The following FBN2 variants were observed in gnomAD, a reference collection of about 807,000 sequenced individuals.
The protein encoded by FBN2 is fibrillin-2.
In FBN2, 105 loss-of-function variants were observed where a neutral mutation model predicts 355.6. The observed-to-expected ratio is 0.30, with a 90% CI of 0.25 to 0.35. The LOEUF is 0.35. Ranked by LOEUF, FBN2 falls within the 10% of genes least tolerant of loss-of-function variation. The pLI is 1.00. For synonymous variants in FBN2, 1,350 were observed against 1,301.2 expected, an observed-to-expected ratio of 1.04 and a Z score of -0.81; for missense variants, 3,280 against 3,758.7, an observed-to-expected ratio of 0.87 and a Z score of 3.33.
At position 128,278,689 on chromosome 5, in the gene FBN2, C is replaced by A. The variant is rs1397064801; in HGVS notation, c.7291G>T (p.Ala2431Ser). Reference sequence around the variant, plus strand: ...TGAGGACATATCTTTTTGTACTGGGCAGTTCCAGGAAGTGGGCAAAGCTCG... The same window carrying A: ...TGAGGACATATCTTTTTGTACTGGGAAGTTCCAGGAAGTGGGCAAAGCTCG... ...QCELCPLPGT[A>S]QYKKICPHGP... Residue 2431 changes from alanine to serine, a missense_variant, in exon 57 of 65, where the codon GCC becomes TCC. Ala to Ser is a moderately conservative substitution (Grantham distance 99). Coordinates refer to ENST00000262464, the MANE Select transcript of FBN2 (RefSeq NM_001999.4). 2.5e-6 allele frequency: 4 copies of A among 1,614,136 alleles called. No individual in the cohort carries two copies. The highest frequency in any genetic ancestry group is 3.4e-6 in the Non-Finnish European group (4 of 1,180,006).
At position 128,345,224 on chromosome 5, in the gene FBN2, T is replaced by C. The variant is rs1751142472; in HGVS notation, c.3217+133A>G. On this transcript the variant is annotated intron_variant, in intron 24 of 64. Transcript: ENST00000262464. ...GATTTATACTCTTGGGACAGAACAT[T>C]GGTCACAAAACCTAAGTTTAACTGA... 1.4e-5 allele frequency: 11 copies of C among 772,672 alleles called. No individual in the cohort carries two copies. In the South Asian group the frequency reaches 1.6e-4, roughly 11 times the overall value. The allele number at this position is 772,672 out of a possible 1,614,324, so 47.9% of individuals were successfully genotyped here. A position where few individuals can be genotyped will look rare whatever the true frequency, so the allele number is the denominator to read the frequency against.
At position 128,320,622 on chromosome 5, in the gene FBN2, GATAA is replaced by G. The variant is rs1006337111; in HGVS notation, c.4472-1625_4472-1622del. Among the ~76,000 whole-genome samples, 11 of 152,204 alleles carry G rather than the reference GATAA, an allele frequency of 7.2e-5. No individual in the cohort carries two copies. In the South Asian group the frequency reaches 1.2e-3, roughly 17 times the overall value. The stretch of plus-strand genomic sequence containing the variant: ...ATTACTGTCTTTCCTTTATAAAAGT[GATAA>G]ATATTCAAAAATTCAAATAATACAG... On this transcript the variant is annotated intron_variant, in intron 34 of 64. Coordinates refer to ENST00000262464, the MANE Select transcript of FBN2 (RefSeq NM_001999.4).
intron 43 of FBN2, 42 bp downstream of exon 43, chr5:128,305,781 A>G: frequency 6.2e-7 from 1 of 1,611,122 alleles, no homozygotes. Context: ...ATATATGTAT[A>G]CCAAATTATA....
At chr5:128,283,456 C>T (rs758894540) in intron 55 of FBN2, among the ~76,000 whole-genome samples, 195 of 152,164 alleles carry the variant, frequency 1.3e-3, no homozygotes, top group Non-Finnish European at 2.6e-4. Flanking sequence ...CATACAAAAG[C>T]GGCCACTTTA....
chr5:128,376,939 C>G (rs938335593), intron 13 of FBN2, 86 bp from the exon 14 acceptor site: 11 of 1,522,232 alleles, frequency 7.2e-6, no homozygotes, highest in Non-Finnish European at 9.0e-6. Context: ...CAGTCAAATT[C>G]CACTACCTAA....
chr5:128,438,547 T>C (rs1004364835), intron 7 of FBN2, among the ~76,000 whole-genome samples: 1 of 152,216 alleles, frequency 6.6e-6, no homozygotes, highest in Non-Finnish European at 1.5e-5. Context: ...AGGTCCCATA[T>C]TTTCATCCCA....
chr5:128,377,850 A>G lies in FBN2; in HGVS notation c.1751T>C (p.Val584Ala). The change falls in exon 13 of 65, where the codon GTT (valine) becomes GCT (alanine). Residue 584 changes from valine to alanine, a missense_variant. By Grantham distance (64) the Val-to-Ala change is moderately conservative. Transcript: ENST00000262464. ...IDIDECIQNG[V>A]LCKNGRCVNT... is the part of the protein sequence containing the mutation. ...CACGCATCGACCGTTTTTACAAAGA[A>G]CCCCATTCTGGATGCACTCATCAAT... is the stretch of plus-strand genomic sequence containing the variant. The G allele has an allele frequency of 6.2e-7, 1 of 1,613,544 alleles. No homozygotes were observed. Among genetic ancestry groups the G allele is most frequent in the Non-Finnish European group, 8.5e-7 (1 of 1,179,560 alleles).
chr5:128,450,686 T>C (rs1190631860), intron 6 of FBN2, among the ~76,000 whole-genome samples: 2 of 151,922 alleles, frequency 1.3e-5, no homozygotes, highest in East Asian at 1.9e-4. Context: ...AAAATAATGA[T>C]GATAAAATAC....
intron 25 of FBN2, among the ~76,000 whole-genome samples, chr5:128,341,361 A>C (rs77546129): frequency 1.3e-5 from 2 of 152,166 alleles, no homozygotes; most frequent in Non-Finnish European, 2.9e-5. Flanking sequence ...GTGGCAGTGA[A>C]GGATTTGACC....
rs973184233 is a variant in FBN2 at position 128,274,614 on chromosome 5, G to A, written c.7664C>T (p.Thr2555Ile). Residue 2555 changes from threonine (T) to isoleucine (I), a missense_variant, in exon 60 of 65, where the codon ACC becomes ATC. Transcript: ENST00000262464. ...TGTGAAACCAGGTGGACATTTACAG[G>A]TAAACCCCCCCAGGGTGTTGACACA... The part of the protein sequence containing the change: ...FLCVNTLGGF[T>I]CKCPPGFTQH... The A allele has an allele frequency of 6.2e-7, 1 of 1,613,054 alleles. No homozygotes were observed. The highest frequency in any genetic ancestry group is 8.5e-7 in the Non-Finnish European group (1 of 1,179,158).
intron 45 of FBN2, among the ~76,000 whole-genome samples, chr5:128,303,621 C>T (rs1006933759): frequency 1.3e-5 from 2 of 152,128 alleles, no homozygotes; most frequent in Non-Finnish European, 2.9e-5. Flanking sequence ...AAAGGTCATT[C>T]ATCATATGAG....
chr5:128,378,391 A>C (rs1227791228), intron 12 of FBN2, among the ~76,000 whole-genome samples: 1 of 152,162 alleles, frequency 6.6e-6, no homozygotes, highest in Non-Finnish European at 1.5e-5. Context: ...TGGGTGTAGC[A>C]CTGAAGCTGT....
At position 128,443,769 on chromosome 5, in the gene FBN2, T is replaced by C. The variant is rs182620891; in HGVS notation, c.952+2712A>G. 2.6e-3 allele frequency among the ~76,000 whole-genome samples: 402 copies of C among 152,352 alleles called. 1 individual carries two copies. Among genetic ancestry groups the C allele is most frequent in the Non-Finnish European group, 4.4e-3 (300 of 68,038 alleles). ...TACTGTAAAAACAGGAAGAACATCA[T>C]CTTAAATCTGCCAATAGTACTATGT... On this transcript the variant is annotated intron_variant, in intron 7 of 64. Coordinates refer to ENST00000262464, the MANE Select transcript of FBN2 (RefSeq NM_001999.4).
intron 8 of FBN2, among the ~76,000 whole-genome samples, chr5:128,398,936 G>A (rs1289635524): frequency 6.6e-6 from 1 of 152,162 alleles, no homozygotes; most frequent in Non-Finnish European, 1.5e-5. Flanking sequence ...CACCATGAAT[G>A]TGAGGCCTCC....
chr5:128,308,724 A>G (rs923247904), intron 41 of FBN2, among the ~76,000 whole-genome samples: 1 of 152,154 alleles, frequency 6.6e-6, no homozygotes, highest in African/African-American at 2.4e-5. Flanking sequence ...TTTTTTGCCT[A>G]AAAATTTCAC....
intron 7 of FBN2, among the ~76,000 whole-genome samples, chr5:128,433,385 T>C (rs2127033909): frequency 6.6e-6 from 1 of 152,338 alleles, no homozygotes; most frequent in African/African-American, 2.4e-5. Flanking sequence ...ACAAACTTGT[T>C]ATAACATTCA....
intron 16 of FBN2, among the ~76,000 whole-genome samples, chr5:128,366,837 G>A (rs1179340943): frequency 6.6e-6 from 1 of 152,052 alleles, no homozygotes; most frequent in Non-Finnish European, 1.5e-5. Flanking sequence ...TATCAATTTA[G>A]TTAATCTTCC....
At chr5:128,384,049 T>C (rs540732197) in intron 11 of FBN2, among the ~76,000 whole-genome samples, 2 of 152,210 alleles carry the variant, frequency 1.3e-5, no homozygotes, top group Non-Finnish European at 2.9e-5. Context: ...CCCATCAACT[T>C]GGGAATATAT....
intron 11 of FBN2, among the ~76,000 whole-genome samples, chr5:128,383,585 T>G (rs1752291042): frequency 6.6e-6 from 1 of 152,064 alleles, no homozygotes; most frequent in African/African-American, 2.4e-5. Context: ...AGGACTTATA[T>G]CCAGAGTAAA....
Sources: allele counts gnomAD v4.1 joint callset (sites outside exome capture counted in the v4.1 genomes callset), GRCh38; gene constraint gnomAD v4.1.1; transcripts MANE v1.5; gene names NCBI Gene and HGNC (gene_info 2026-07-23, HGNC 2026-07-21).